UACA: variants seen among roughly 807,000 people sequenced by gnomAD.
UACA encodes the protein uveal autoantigen with coiled-coil domains and ankyrin repeats, also known as nuclear membrane binding protein.
Under a neutral mutation model 160.5 loss-of-function variants are expected in UACA, and 112 were observed. The ratio of observed to expected loss-of-function variants is 0.70; its 90% CI spans 0.60 to 0.82. UACA has a LOEUF of 0.82. UACA is among the 40% of genes least tolerant of loss of function. The pLI is 0.00. For missense variants in UACA, 1,574 were observed against 1,614.6 expected (o/e 0.97, Z 0.43); for synonymous variants, 557 against 568.4 (o/e 0.98, Z 0.29).
chr15:70,747,714 T>G (rs959328621), intron 1 of UACA, among the ~76,000 whole-genome samples: 1 of 152,184 alleles, frequency 6.6e-6, no homozygotes, highest in Non-Finnish European at 1.5e-5. Context: ...TAGCAGTGCC[T>G]GGACTGAAAC....
chr15:70,736,956 T>C (rs1899387580), intron 1 of UACA, among the ~76,000 whole-genome samples: 1 of 152,148 alleles, frequency 6.6e-6, no homozygotes, highest in African/African-American at 2.4e-5. Flanking sequence ...TAACCGGAGT[T>C]TCAGTTTACT....
At chr15:70,671,477 A>G (rs897427147) in intron 14 of UACA, 5 of 159,682 alleles carry the variant, frequency 3.1e-5, no homozygotes, top group African/African-American at 1.2e-4. Context: ...TGTAGGAGAG[A>G]ATAGTTTAAT....
At chr15:70,746,955 G>A (rs747750541) in intron 1 of UACA, among the ~76,000 whole-genome samples, 1 of 152,022 alleles carries the variant, frequency 6.6e-6, no homozygotes, top group Non-Finnish European at 1.5e-5. Context: ...GGCACAGGGA[G>A]GGGAACATCA....
chr15:70,654,873 A>T lies in UACA; in HGVS notation c.*2183T>A, dbSNP rs1896439518. On this transcript the variant is annotated 3_prime_UTR_variant, in exon 19 of 19. Coordinates refer to ENST00000322954, the MANE Select transcript of UACA (RefSeq NM_018003.4). ...TGTTCCGCTTGTTTACTAATTAAAA[A>T]GCTTTGGTCTTCAGTGTTGTAAACG... The T allele has an allele frequency of 6.6e-6, 1 of 152,216 alleles. No individual in the cohort carries two copies. Among genetic ancestry groups the T allele is most frequent in the Non-Finnish European group, 1.5e-5 (1 of 68,042 alleles). The allele number at this position is 152,216 out of a possible 1,614,324, so 9.4% of individuals were successfully genotyped here.
chr15:70,671,867 T>G, intron 14 of UACA, 98 bp downstream of exon 14: 1 of 977,046 alleles, frequency 1.0e-6, no homozygotes, highest in East Asian at 2.7e-5. Context: ...AGGAATATCT[T>G]GTACAGTTAT....
chr15:70,762,329 G>C (rs1358425307), intron 1 of UACA, among the ~76,000 whole-genome samples: 4 of 152,142 alleles, frequency 2.6e-5, no homozygotes, highest in African/African-American at 9.7e-5. Context: ...TAAAATCTGC[G>C]TTGAATTGTA....
chr15:70,747,355 C>T (rs1053118735), intron 1 of UACA, among the ~76,000 whole-genome samples: 6 of 151,128 alleles, frequency 4.0e-5, no homozygotes, highest in Non-Finnish European at 7.4e-5. Context: ...GCAATTCCCC[C>T]GCCTCAGCCT....
rs752147626 is a variant in UACA at position 70,695,062 on chromosome 15, C to T, written c.256G>A (p.Ala86Thr). The change falls in exon 3 of 19, where the codon GCC (alanine) becomes ACC (threonine). Residue 86 changes from alanine (A) to threonine (T), a missense_variant. Coordinates refer to ENST00000322954, the MANE Select transcript of UACA (RefSeq NM_018003.4). The part of the protein sequence containing the change: ...TSKGNLECLN[A>T]ILIHGVDITT... ...ATATCAACTCCATGTATAAGGATGG[C>T]ATTCAAACACTCAAGATTCCCCTTT... The T allele has an allele frequency of 3.1e-6, 5 of 1,610,188 alleles. No individual in the cohort carries two copies. The Admixed American group carries it at 8.4e-5, about 27-fold the overall frequency.
chr15:70,714,614 T>G (rs1398838255), intron 1 of UACA, among the ~76,000 whole-genome samples: 2 of 152,166 alleles, frequency 1.3e-5, no homozygotes, highest in Non-Finnish European at 2.9e-5. Context: ...AAGATGATGA[T>G]GTTTTAAATA....
At chr15:70,726,229 A>T (rs1260051772) in intron 1 of UACA, among the ~76,000 whole-genome samples, 1 of 152,118 alleles carries the variant, frequency 6.6e-6, no homozygotes, top group Non-Finnish European at 1.5e-5. Context: ...GCACCCCCAA[A>T]TCCAATCAAG....
In UACA at chr15:70,670,251, A is replaced by G. The variant is rs1253793072; in HGVS notation, c.1221+788T>C. On this transcript the variant is annotated intron_variant, in intron 15 of 18. Transcript: ENST00000322954. Reference sequence around the variant, plus strand: ...TGACTGGTAAAGGAAAATAGCCCCTAGAGAGCAGGTGCACAACCTTAGTAA... The same window carrying G: ...TGACTGGTAAAGGAAAATAGCCCCTGGAGAGCAGGTGCACAACCTTAGTAA... 2.0e-5 allele frequency among the ~76,000 whole-genome samples: 3 copies of G among 152,290 alleles called. No individual in the cohort carries two copies. The East Asian group carries it at 5.8e-4, about 29-fold the overall frequency.
At chr15:70,754,256 A>G in intron 1 of UACA, 1 of 423,396 alleles carries the variant, frequency 2.4e-6, no homozygotes, top group Non-Finnish European at 4.7e-6. Flanking sequence ...GGTTAGACTT[A>G]GGATTTTTTG....
intron 5 of UACA, among the ~76,000 whole-genome samples, chr15:70,690,221 T>G (rs1482173215): frequency 6.6e-6 from 1 of 151,998 alleles, no homozygotes; most frequent in Admixed American, 6.6e-5. Flanking sequence ...GGATTATAGT[T>G]TATCTACCTT....
At chr15:70,680,396 A>G (rs937349858) in intron 9 of UACA, among the ~76,000 whole-genome samples, 5 of 152,228 alleles carry the variant, frequency 3.3e-5, no homozygotes, top group African/African-American at 1.2e-4. Flanking sequence ...TTAGGTTAAA[A>G]AAAAAACTAC....
At chr15:70,703,832 C>T (rs555250160) in intron 1 of UACA, among the ~76,000 whole-genome samples, 12 of 152,190 alleles carry the variant, frequency 7.9e-5, no homozygotes, top group South Asian at 4.2e-4. Context: ...AAGAGCCCTA[C>T]GCAAATTCCC....
In UACA at chr15:70,679,664, G is replaced by T. The variant is rs767328670; in HGVS notation, c.835C>A (p.His279Asn). 6.3e-7 allele frequency: 1 copy of T among 1,588,102 alleles called. No homozygotes were observed. The highest frequency in any genetic ancestry group is 1.1e-5 in the South Asian group (1 of 87,884). The change falls in exon 10 of 19, where the codon CAC (histidine) becomes AAC (asparagine). Residue 279 changes from histidine to asparagine, a missense_variant. Transcript: ENST00000322954. ...GPSLQQRNLTHMQDEVNVKSH... is the reference protein window; with the variant it reads ...GPSLQQRNLTNMQDEVNVKSH... ...TTCACATTTACTTCATCTTGCATGT[G>T]TGTCAAATTTCGCTTTGGTAAAACA...
At chr15:70,670,926 C>G in intron 15 of UACA, 113 bp downstream of exon 15, 1 of 477,234 alleles carries the variant, frequency 2.1e-6, no homozygotes, top group Non-Finnish European at 3.5e-6. Flanking sequence ...ATAATGAAAA[C>G]CTCACTCTAT....
At position 70,687,737 on chromosome 15, in the gene UACA, TAAAC is replaced by T. The variant is rs1365647578; in HGVS notation, c.495+9_495+12del. 1 of 1,613,544 alleles carries T rather than the reference TAAAC, an allele frequency of 6.2e-7. No homozygotes were observed. Among genetic ancestry groups the T allele is most frequent in the Admixed American group, 1.7e-5 (1 of 59,970 alleles). On this transcript the variant is annotated intron_variant, in intron 6 of 18. Transcript: ENST00000322954. Reference sequence around the variant, plus strand: ...GCATGAGTTGAAATGAGAATAAACATAAACTAACTTACTACATCTTTGGCATTCA... The same window carrying T: ...GCATGAGTTGAAATGAGAATAAACATTAACTTACTACATCTTTGGCATTCA...
chr15:70,713,921 CAG>C (rs946900637), intron 1 of UACA, among the ~76,000 whole-genome samples: 11 of 152,226 alleles, frequency 7.2e-5, no homozygotes, highest in South Asian at 2.1e-4. Flanking sequence ...CTCCCCAAAA[CAG>C]AGTTTCATAA....
Sources: gnomAD v4.1 joint callset for allele counts (sites outside exome capture counted in the v4.1 genomes callset) on GRCh38, gnomAD v4.1.1 for gene constraint, MANE v1.5 for transcripts, NCBI Gene and HGNC (gene_info 2026-07-23, HGNC 2026-07-21) for gene names.